ALG9: variants seen among roughly 807,000 people sequenced by gnomAD.
The protein encoded by ALG9 is alpha-1,2-mannosyltransferase ALG9.
ALG9 carries 55 observed loss-of-function variants against 81.8 expected under a neutral mutation model. The ratio of observed to expected loss-of-function variants is 0.67; its 90% CI spans 0.54 to 0.84. The LOEUF (loss-of-function observed/expected upper bound fraction) is 0.84. Ranked by LOEUF, ALG9 falls within the 40% of genes least tolerant of loss-of-function variation. The pLI, the probability that ALG9 is intolerant of heterozygous loss-of-function variation, is 0.00. For synonymous variants in ALG9, 278 were observed against 274.3 expected, an observed-to-expected ratio of 1.01 and a Z score of -0.13; for missense variants, 629 against 745.0, an observed-to-expected ratio of 0.84 and a Z score of 1.81.
Position 111,865,263 on chromosome 11 carries a change from C to G in ALG9, c.406-12G>C. The stretch of plus-strand genomic sequence containing the variant: ...TAAAACACAAGAATCTAAAAGAAAC[C>G]CAGAAAAAGAAAACAGAAGTCACAG... On this transcript the variant is annotated splice_polypyrimidine_tract_variant and intron_variant, in intron 3 of 14. Coordinates refer to ENST00000616540, the MANE Select transcript of ALG9 (RefSeq NM_024740.2). 6.5e-7 allele frequency: 1 copy of G among 1,546,882 alleles called. No homozygotes were observed. The highest frequency in any genetic ancestry group is 8.7e-7 in the Non-Finnish European group (1 of 1,144,640).
intron 9 of ALG9, 48 bp downstream of exon 9, chr11:111,844,553 T>C (rs782740449): frequency 1.2e-6 from 2 of 1,612,610 alleles, no homozygotes; most frequent in African/African-American, 1.3e-5. Context: ...TATACACCAT[T>C]ACTTGCTCTT....
At chr11:111,805,176 T>C (rs1949729995) in intron 14 of ALG9, 1 of 442,826 alleles carries the variant, frequency 2.3e-6, no homozygotes, top group East Asian at 7.0e-5. Flanking sequence ...ATTAATGTCC[T>C]TATAAGAAGA....
chr11:111,844,664 C>T lies in ALG9; in HGVS notation c.955G>A (p.Ala319Thr). The change falls in exon 9 of 15, where the codon GCT (alanine) becomes ACT (threonine). Residue 319 changes from alanine (A) to threonine (T), a missense_variant. Physicochemically the swap from Ala to Thr is moderately conservative, Grantham distance 58 (BLOSUM62 0). This residue lies in a region of ALG9 where 344 missense variants were observed against 390.5 expected (regional missense o/e 0.88). Coordinates refer to ENST00000616540, the MANE Select transcript of ALG9 (RefSeq NM_024740.2). ...AGTGGTAGGACTAGGAGAGCCAAAG[C>T]AAAGGCTACATTGAAATTCAGAAAT... ...NGFLNFNVAFALALLVLPLTS... is the reference protein window; with the variant it reads ...NGFLNFNVAFTLALLVLPLTS... The T allele has an allele frequency of 6.2e-7, 1 of 1,613,998 alleles. No homozygotes were observed. The highest frequency in any genetic ancestry group is 8.5e-7 in the Non-Finnish European group (1 of 1,179,916).
chr11:111,864,558 TAGCACA>T, intron 4 of ALG9: 3 of 600,326 alleles, frequency 5.0e-6, no homozygotes, highest in Non-Finnish European at 9.2e-6. Flanking sequence ...CTTATCCCTG[TAGCACA>T]TGTGCTGTAA....
chr11:111,849,733 G>A (rs1957473356), intron 8 of ALG9: 1 of 152,120 alleles, frequency 6.6e-6, no homozygotes, highest in African/African-American at 2.4e-5. Flanking sequence ...GTGGTGTTTG[G>A]TTTTCTGCTC....
Position 111,869,377 on chromosome 11 carries a change from G to A in ALG9, c.271-641C>T, listed in dbSNP as rs1305628181. 3.9e-5 allele frequency among the ~76,000 whole-genome samples: 6 copies of A among 152,048 alleles called. 1 individual carries two copies. The highest frequency in any genetic ancestry group is 3.9e-4 in the Admixed American group (6 of 15,270). On this transcript the variant is annotated intron_variant, in intron 2 of 14. Transcript: ENST00000616540. ...AATTTTCTATAATAAAAGTCAACAG[G>A]TAATGTGTAAATCAATAAATAGCAA...
chr11:111,781,689 C>T (rs1945947385), downstream of ALG9, among the ~76,000 whole-genome samples: 1 of 151,842 alleles, frequency 6.6e-6, no homozygotes, highest in Non-Finnish European at 1.5e-5. Context: ...CTCTTGTTGC[C>T]CAGGCTGGAG....
At chr11:111,854,884 G>A (rs74914133) in intron 6 of ALG9, among the ~76,000 whole-genome samples, 232 of 152,290 alleles carry the variant, frequency 1.5e-3, no homozygotes, top group African/African-American at 5.3e-3. Context: ...AGCATTCAAT[G>A]AATGACAGTA....
rs1044008704 is a variant in ALG9 at position 111,796,467 on chromosome 11, G to C, written c.1734-9947C>G. ...ATGGTCTGTAAATGGTTTCTTTCTA[G>C]AGAACTCATTTCACAACAATGGAAA... On this transcript the variant is annotated intron_variant, in intron 14 of 14. Coordinates refer to ENST00000616540, the MANE Select transcript of ALG9 (RefSeq NM_024740.2). Among the ~76,000 whole-genome samples the C allele has an allele frequency of 1.6e-4, 24 of 152,254 alleles. No individual in the cohort carries two copies. In the South Asian group the frequency reaches 3.3e-3, roughly 21 times the overall value.
At chr11:111,857,536 C>T (rs1046868733) in intron 6 of ALG9, 66 bp downstream of exon 6, 3 of 1,600,786 alleles carry the variant, frequency 1.9e-6, no homozygotes, top group African/African-American at 2.7e-5. Flanking sequence ...CAATATGGAG[C>T]TAATCCAACA....
intron 14 of ALG9, chr11:111,798,208 G>GA: frequency 6.3e-6 from 2 of 315,834 alleles, no homozygotes; most frequent in Non-Finnish European, 6.2e-6. Flanking sequence ...GTCTTAAAAA[G>GA]AAAAAAATAG....
chr11:111,793,630 G>A lies in ALG9; in HGVS notation c.1734-7110C>T, dbSNP rs1184461706. 2.6e-5 allele frequency among the ~76,000 whole-genome samples: 4 copies of A among 152,044 alleles called. No homozygotes were observed. In the East Asian group the frequency reaches 7.8e-4, roughly 30 times the overall value. On this transcript the variant is annotated intron_variant, in intron 14 of 14. Coordinates refer to ENST00000616540, the MANE Select transcript of ALG9 (RefSeq NM_024740.2). ...CAAAAAATTAGCCAGGCATGGTGGCGGGTGCCTGTAGTCCCAGCTACCTGG... is the reference window on the plus strand; with the variant it reads ...CAAAAAATTAGCCAGGCATGGTGGCAGGTGCCTGTAGTCCCAGCTACCTGG...
chr11:111,839,605 G>GA (rs1185352270), intron 10 of ALG9, among the ~76,000 whole-genome samples: 1 of 134,602 alleles, frequency 7.4e-6, no homozygotes, highest in African/African-American at 2.7e-5. Context: ...AAAAAAAGGG[G>GA]GGGGGGGATA....
downstream of ALG9, chr11:111,778,125 T>TC (rs1445708726): frequency 3.9e-5 from 6 of 151,904 alleles, no homozygotes; most frequent in Non-Finnish European, 7.4e-5. Flanking sequence ...ATTCACACCT[T>TC]CTTTTTTTTT....
chr11:111,804,555 T>A (rs931293330), intron 14 of ALG9, among the ~76,000 whole-genome samples: 1 of 152,102 alleles, frequency 6.6e-6, no homozygotes, highest in African/African-American at 2.4e-5. Flanking sequence ...TACACCACTG[T>A]ACTCCAGCTT....
intron 8 of ALG9, chr11:111,845,249 G>C (rs1012712529): frequency 6.1e-5 from 10 of 163,404 alleles, no homozygotes; most frequent in Admixed American, 1.1e-4. Context: ...GGCTGCAGTG[G>C]GCTGTGGTCG....
the ALG9 span, among the ~76,000 whole-genome samples, chr11:111,772,697 C>T: frequency 6.6e-6 from 1 of 152,134 alleles, no homozygotes; most frequent in Admixed American, 6.5e-5. Flanking sequence ...AAATACTATC[C>T]ATTAACAGTT....
chr11:111,846,409 T>C (rs963594018), intron 8 of ALG9, among the ~76,000 whole-genome samples: 2 of 152,170 alleles, frequency 1.3e-5, no homozygotes, highest in Non-Finnish European at 2.9e-5. Flanking sequence ...ATACAGACTG[T>C]TTTTTTCAGG....
At chr11:111,790,373 GGTATGTTCCTGTA>G (rs1947214613) in intron 14 of ALG9, among the ~76,000 whole-genome samples, 1 of 152,114 alleles carries the variant, frequency 6.6e-6, no homozygotes, top group Non-Finnish European at 1.5e-5. Flanking sequence ...CAGGTGTTGT[GGTATGTTCCTGTA>G]ATCCTGGGTA....
Sources: gnomAD v4.1 joint callset for allele counts (sites outside exome capture counted in the v4.1 genomes callset) on GRCh38, gnomAD v4.1.1 for gene constraint, gnomAD v4.1.1 regional missense constraint, MANE v1.5 for transcripts, NCBI Gene and HGNC (gene_info 2026-07-23, HGNC 2026-07-21) for gene names.